AFF4: variants seen among roughly 807,000 people sequenced by gnomAD.
AFF4 encodes the protein ALF transcription elongation factor 4, also known as AF4/FMR2 family member 4.
AFF4 carries 13 observed loss-of-function variants against 124.8 expected under a neutral mutation model. The observed-to-expected ratio is 0.10, with a 90% CI of 0.07 to 0.17. The LOEUF (loss-of-function observed/expected upper bound fraction) is 0.17, where lower values mean the gene tolerates loss of function less well. AFF4 is among the 10% of genes least tolerant of loss of function. The pLI, the probability that AFF4 is intolerant of heterozygous loss-of-function variation, is 1.00. For synonymous variants in AFF4, 477 were observed against 496.1 expected (o/e 0.96, Z 0.51); for missense variants, 1,092 against 1,403.8 (o/e 0.78, Z 3.55).
In AFF4 at chr5:132,934,303, A is replaced by G. The variant is rs1761368713; in HGVS notation, c.762T>C (p.Thr254=). The part of the protein sequence containing the change: ...SKSNSMLQKP[T]AYVRPMDGQE... ...GTCCGTCCATGGGCCGCACATAGGCAGTGGGTTTCTGTAACATTGAATTGG... is the reference window on the plus strand; with the variant it reads ...GTCCGTCCATGGGCCGCACATAGGCGGTGGGTTTCTGTAACATTGAATTGG... The change falls in exon 3 of 21, where the codon ACT becomes ACC. Residue 254 remains threonine (T), a synonymous_variant. Transcript: ENST00000265343. The G allele has an allele frequency of 4.3e-6, 7 of 1,614,060 alleles. No homozygotes were observed. The highest frequency in any genetic ancestry group is 5.9e-6 in the Non-Finnish European group (7 of 1,180,046).
At chr5:132,936,699 T>C (rs192124507) in intron 2 of AFF4, among the ~76,000 whole-genome samples, 91 of 152,172 alleles carry the variant, frequency 6.0e-4, no homozygotes, top group African/African-American at 2.1e-3. Flanking sequence ...ACTAGGAAAA[T>C]AGAGGTAAAT....
chr5:132,896,051 C>T (rs1760383010), intron 11 of AFF4, among the ~76,000 whole-genome samples: 1 of 152,204 alleles, frequency 6.6e-6, no homozygotes, highest in Non-Finnish European at 1.5e-5. Context: ...CAAGCTGCTG[C>T]TCTCTAACCT....
chr5:132,958,623 GAAACAAGTTAGAAGA>G (rs1413182472), intron 1 of AFF4, among the ~76,000 whole-genome samples: 1 of 152,054 alleles, frequency 6.6e-6, no homozygotes, highest in Non-Finnish European at 1.5e-5. Flanking sequence ...TAACAGGTAA[GAAACAAGTTAGAAGA>G]AATAATATTC....
chr5:132,955,107 C>T (rs943310327), intron 1 of AFF4, among the ~76,000 whole-genome samples: 12 of 152,266 alleles, frequency 7.9e-5, no homozygotes, highest in Non-Finnish European at 1.6e-4. Context: ...TCAGCTGTCC[C>T]TAGCTGAAAT....
At position 132,876,199 on chromosome 5, in the gene AFF4, AC is replaced by A. The variant is rs1162087861; in HGVS notation, c.*4859del. 110 of 213,482 alleles carry A rather than the reference AC, an allele frequency of 5.2e-4. 1 individual carries two copies. Among genetic ancestry groups the A allele is most frequent in the Middle Eastern group, 2.9e-3 (2 of 692 alleles). 13.2% of individuals were successfully genotyped at this position (213,482 alleles called of 1,614,324 possible). ...GGCCAGTTCTGTTGGTGAGCCCCCTACCCCCACCCCACCCATCCCAGTACTG... is the reference window on the plus strand; with the variant it reads ...GGCCAGTTCTGTTGGTGAGCCCCCTACCCCACCCCACCCATCCCAGTACTG... On this transcript the variant is annotated 3_prime_UTR_variant, in exon 21 of 21. Coordinates refer to ENST00000265343, the MANE Select transcript of AFF4 (RefSeq NM_014423.4).
chr5:132,881,428 C>A (rs1262330747), intron 20 of AFF4, among the ~76,000 whole-genome samples: 1 of 152,076 alleles, frequency 6.6e-6, no homozygotes, highest in East Asian at 1.9e-4. Flanking sequence ...TATATATAAG[C>A]AGGATTCCAT....
chr5:132,928,066 G>T (rs960134371), intron 4 of AFF4, among the ~76,000 whole-genome samples: 13 of 152,070 alleles, frequency 8.5e-5, no homozygotes, highest in African/African-American at 3.1e-4. Flanking sequence ...TAACAGTGGT[G>T]TAACACCTAG....
intron 5 of AFF4, among the ~76,000 whole-genome samples, chr5:132,907,833 G>C (rs1435403823): frequency 6.6e-6 from 1 of 152,160 alleles, no homozygotes; most frequent in East Asian, 1.9e-4. Context: ...GCAGCCCACA[G>C]AGAGGAAAAA....
At chr5:132,937,251 T>C in intron 1 of AFF4, 58 bp from the exon 2 acceptor site, 4 of 1,505,556 alleles carry the variant, frequency 2.7e-6, no homozygotes, top group Non-Finnish European at 2.7e-6. Flanking sequence ...TTAAATATTC[T>C]GTACAGATTT....
chr5:132,948,643 G>T (rs182282650), intron 1 of AFF4: 116 of 174,010 alleles, frequency 6.7e-4, no homozygotes, highest in Non-Finnish European at 9.9e-4. Flanking sequence ...TTGCAATTTT[G>T]GCCCAATGCA....
chr5:132,896,780 G>A lies in AFF4; in HGVS notation c.1850C>T (p.Ser617Phe), dbSNP rs1262735256. The change falls in exon 11 of 21, where the codon TCT becomes TTT. Residue 617 changes from serine (S) to phenylalanine (F), a missense_variant. Coordinates refer to ENST00000265343, the MANE Select transcript of AFF4 (RefSeq NM_014423.4). ...GSRKPNIKKE[S>F]KSSPRPTAEK... is the part of the protein sequence containing the mutation. ...TGCTGTAGGTCGAGGGGAAGACTTA[G>A]ACTCCTTCTTTATATTGGGTTTCCT... 6.2e-7 allele frequency: 1 copy of A among 1,614,140 alleles called. No individual in the cohort carries two copies. Among genetic ancestry groups the A allele is most frequent in the Admixed American group, 1.7e-5 (1 of 60,018 alleles).
chr5:132,904,357 GA>G lies in AFF4; in HGVS notation c.1087+10del, dbSNP rs761464819. The G allele has an allele frequency of 4.4e-6, 7 of 1,607,348 alleles. No homozygotes were observed. The highest frequency in any genetic ancestry group is 5.9e-6 in the Non-Finnish European group (7 of 1,176,494). On this transcript the variant is annotated intron_variant, in intron 6 of 20. Transcript: ENST00000265343. The stretch of plus-strand genomic sequence containing the variant: ...CTTAATTTGAAAACAAAGAGGGAAA[GA>G]AATACTCACTTTGTTCTCCAGTGCC...
intron 4 of AFF4, among the ~76,000 whole-genome samples, chr5:132,928,092 C>G (rs1361656615): frequency 6.6e-6 from 1 of 152,028 alleles, no homozygotes; most frequent in East Asian, 1.9e-4. Flanking sequence ...TATCCCATAG[C>G]AATATCCACA....
intron 4 of AFF4, among the ~76,000 whole-genome samples, chr5:132,930,403 G>GA (rs1290577900): frequency 1.3e-5 from 2 of 152,132 alleles, no homozygotes; most frequent in Non-Finnish European, 2.9e-5. Flanking sequence ...AAGGAAAGAA[G>GA]AATGTTTGCA....
At chr5:132,932,380 T>G (rs1461576129) in intron 3 of AFF4, among the ~76,000 whole-genome samples, 158 bp from the exon 4 acceptor site, 1 of 152,232 alleles carries the variant, frequency 6.6e-6, no homozygotes, top group Non-Finnish European at 1.5e-5. Context: ...ATATAAATTT[T>G]TCAAGCACCA....
At position 132,904,368 on chromosome 5, in the gene AFF4, T is replaced by C. The variant is rs1292065503; in HGVS notation, c.1087A>G (p.Lys363Glu). 6.2e-7 allele frequency: 1 copy of C among 1,611,108 alleles called. No homozygotes were observed. The highest frequency in any genetic ancestry group is 1.1e-5 in the South Asian group (1 of 90,662). Reference sequence around the variant, plus strand: ...AACAAAGAGGGAAAGAAATACTCACTTTGTTCTCCAGTGCCAAAATTGGAC... The same window carrying C: ...AACAAAGAGGGAAAGAAATACTCACCTTGTTCTCCAGTGCCAAAATTGGAC... ...QQSNFGTGEQ[K>E]RYNPSKTSNG... Residue 363 changes from lysine to glutamate, a missense_variant and splice_region_variant, in exon 6 of 21, where the codon AAA becomes GAA. Coordinates refer to ENST00000265343, the MANE Select transcript of AFF4 (RefSeq NM_014423.4).
chr5:132,885,925 C>T (rs1389862075), intron 18 of AFF4, among the ~76,000 whole-genome samples: 1 of 152,032 alleles, frequency 6.6e-6, no homozygotes, highest in Non-Finnish European at 1.5e-5. Context: ...AGGCGTGTGG[C>T]ACCATGCCTG....
At chr5:132,909,276 C>G (rs1448705370) in intron 5 of AFF4, among the ~76,000 whole-genome samples, 2 of 151,958 alleles carry the variant, frequency 1.3e-5, no homozygotes, top group Non-Finnish European at 2.9e-5. Flanking sequence ...TCCCAAGTAG[C>G]TGGGATTATA....
At chr5:132,943,857 C>T (rs1267570338) in intron 1 of AFF4, 2 of 227,902 alleles carry the variant, frequency 8.8e-6, no homozygotes, top group East Asian at 2.0e-4. Flanking sequence ...CTCACACTGC[C>T]TGCAAGTTTC....
Sources: gnomAD v4.1 joint callset for allele counts (sites outside exome capture counted in the v4.1 genomes callset) on GRCh38, gnomAD v4.1.1 for gene constraint, MANE v1.5 for transcripts, NCBI Gene and HGNC (gene_info 2026-07-23, HGNC 2026-07-21) for gene names.